Variants in POFUT3 observed in about 807,000 individuals in gnomAD.
POFUT3 encodes the protein protein O-fucosyltransferase 3.
At chr8:33,429,074 G>A in the POFUT3 span, among the ~76,000 whole-genome samples, 2 of 152,132 alleles carry the variant, frequency 1.3e-5, no homozygotes, top group African/African-American at 4.8e-5. Context: ...AATATGTTGT[G>A]TACTTTACAT....
At chr8:33,410,432 CCGAGAT>C in the POFUT3 span, among the ~76,000 whole-genome samples, 2 of 152,120 alleles carry the variant, frequency 1.3e-5, no homozygotes, top group Non-Finnish European at 2.9e-5. Context: ...CCGGGCAGCC[CCGAGAT>C]AGGAGTGTAG....
chr8:33,385,679 C>T, the POFUT3 span, among the ~76,000 whole-genome samples: 6,956 of 151,950 alleles, frequency 0.046, 332 homozygotes, highest in African/African-American at 0.11. Context: ...GTCAGGAGTT[C>T]GAGATCAGCC....
At chr8:33,317,706 T>A in the POFUT3 span, among the ~76,000 whole-genome samples, 4 of 152,156 alleles carry the variant, frequency 2.6e-5, no homozygotes, top group East Asian at 5.8e-4. Flanking sequence ...ACCCTCCTTT[T>A]TCCCCCCAGC....
chr8:33,403,038 G>C, the POFUT3 span, among the ~76,000 whole-genome samples: 1 of 151,682 alleles, frequency 6.6e-6, no homozygotes, highest in African/African-American at 2.4e-5. Context: ...TCCAGCCCGG[G>C]TGACAAAGTG....
chr8:33,386,726 C>A, the POFUT3 span, among the ~76,000 whole-genome samples: 1 of 152,082 alleles, frequency 6.6e-6, no homozygotes, highest in African/African-American at 2.4e-5. Context: ...AGGAGAATGG[C>A]GTGAACCCGG....
the POFUT3 span, among the ~76,000 whole-genome samples, chr8:33,358,779 G>A: frequency 1.3e-5 from 2 of 151,988 alleles, no homozygotes; most frequent in Non-Finnish European, 2.9e-5. Flanking sequence ...GAAGCAGGAA[G>A]ATTGCCTGAG....
At chr8:33,385,844 G>A in the POFUT3 span, among the ~76,000 whole-genome samples, 7 of 151,902 alleles carry the variant, frequency 4.6e-5, no homozygotes, top group African/African-American at 1.7e-4. Context: ...TACTTAAGTA[G>A]CTTACTTTAC....
chr8:33,388,712 C>T, the POFUT3 span, among the ~76,000 whole-genome samples: 1 of 152,096 alleles, frequency 6.6e-6, no homozygotes, highest in Non-Finnish European at 1.5e-5. Context: ...GCACCTGCAG[C>T]ACGGGATCCC....
the POFUT3 span, among the ~76,000 whole-genome samples, chr8:33,356,614 T>G: frequency 6.6e-6 from 1 of 152,196 alleles, no homozygotes; most frequent in Non-Finnish European, 1.5e-5. Context: ...TCTCCCATTT[T>G]GTAGGTTGCC....
chr8:33,353,929 A>C, the POFUT3 span, among the ~76,000 whole-genome samples: 1 of 152,186 alleles, frequency 6.6e-6, no homozygotes, highest in African/African-American at 2.4e-5. Context: ...TTTTTCTGGA[A>C]TTATGCTGTG....
the POFUT3 span, among the ~76,000 whole-genome samples, chr8:33,444,092 C>T: frequency 4.0e-4 from 60 of 151,722 alleles, no homozygotes; most frequent in African/African-American, 1.4e-3. Flanking sequence ...ACTGATAAAC[C>T]AGTCACCAAA....
At chr8:33,445,885 A>G in the POFUT3 span, among the ~76,000 whole-genome samples, 3 of 152,140 alleles carry the variant, frequency 2.0e-5, no homozygotes, top group African/African-American at 7.2e-5. Context: ...AATGCCAGAA[A>G]CCACCTCAGA....
the POFUT3 span, among the ~76,000 whole-genome samples, chr8:33,323,459 C>T: frequency 4.6e-5 from 7 of 152,172 alleles, no homozygotes; most frequent in Non-Finnish European, 1.0e-4. Flanking sequence ...GCTTTCAACA[C>T]AGCGATGTTC....
chr8:33,360,683 A>G, the POFUT3 span, among the ~76,000 whole-genome samples: 2 of 152,172 alleles, frequency 1.3e-5, no homozygotes, highest in South Asian at 2.1e-4. Flanking sequence ...ATGATAAATT[A>G]TAAGGTCCCT....
the POFUT3 span, among the ~76,000 whole-genome samples, chr8:33,380,027 AC>A: frequency 3.9e-5 from 3 of 77,314 alleles, no homozygotes; most frequent in African/African-American, 6.4e-5. Context: ...ATATATATAT[AC>A]TATATATATA....
At chr8:33,431,699 T>C in the POFUT3 span, among the ~76,000 whole-genome samples, 5 of 152,000 alleles carry the variant, frequency 3.3e-5, no homozygotes, top group Non-Finnish European at 7.4e-5. Context: ...GTTACAGGGC[T>C]GATGTATTAA....
chr8:33,444,063 C>G, the POFUT3 span, among the ~76,000 whole-genome samples: 75 of 150,648 alleles, frequency 5.0e-4, no homozygotes, highest in African/African-American at 1.6e-3. Flanking sequence ...ATGAACAAAG[C>G]AAAGTCCCTG....
chr8:33,362,201 T>C, the POFUT3 span, among the ~76,000 whole-genome samples: 1 of 152,094 alleles, frequency 6.6e-6, no homozygotes, highest in Non-Finnish European at 1.5e-5. Flanking sequence ...TAAAGTCCTT[T>C]ACAGACAAGC....
At chr8:33,396,235 G>A in the POFUT3 span, among the ~76,000 whole-genome samples, 2 of 152,214 alleles carry the variant, frequency 1.3e-5, no homozygotes, top group Admixed American at 1.3e-4. Flanking sequence ...TCCAGTCGAA[G>A]CGTAGCAGGG....
Sources: gnomAD v4.1 joint callset for allele counts (sites outside exome capture counted in the v4.1 genomes callset) on GRCh38, gnomAD v4.1.1 for gene constraint, MANE v1.5 for transcripts, NCBI Gene and HGNC (gene_info 2026-07-23, HGNC 2026-07-21) for gene names.